USP34: variants seen among roughly 807,000 people sequenced by gnomAD.
USP34 encodes ubiquitin specific peptidase 34.
A neutral mutation model predicts 460.3 loss-of-function variants in USP34; 70 were observed. That is an observed-to-expected ratio of 0.15 (90% CI 0.13 to 0.19). The LOEUF (loss-of-function observed/expected upper bound fraction) is 0.19, where lower values mean the gene tolerates loss of function less well. Ranked by LOEUF, USP34 falls within the 10% of genes least tolerant of loss-of-function variation. The pLI is 1.00. For synonymous variants in USP34, 1,647 were observed against 1,405.3 expected (o/e 1.17, Z -3.85); for missense variants, 3,985 against 4,236.2 (o/e 0.94, Z 1.65).
At position 61,188,123 on chromosome 2, in the gene USP34, T is replaced by G. The variant is rs780581064; in HGVS notation, c.10620A>C (p.Lys3540Asn). The change falls in exon 80 of 80, where the codon AAA (lysine) becomes AAC (asparagine). Residue 3540 changes from lysine (K) to asparagine (N), a missense_variant. Physicochemically the swap from Lys to Asn is moderately conservative, Grantham distance 94. Around this residue, in one of 14 missense-constraint regions of USP34, gnomAD observed 506 missense variants for 439.0 expected, o/e 1.15. Transcript: ENST00000398571. ...AATGTCAAGAAGCAGCTTGGTTTCCTTTGCCAGATATCCTTGTGACGACAT... is the reference window on the plus strand; with the variant it reads ...AATGTCAAGAAGCAGCTTGGTTTCCGTTGCCAGATATCCTTGTGACGACAT... Reference protein sequence around the residue: ...TIHVVTRISGKGNQAAS With the variant: ...TIHVVTRISGNGNQAAS The G allele has an allele frequency of 6.2e-7, 1 of 1,613,214 alleles. No individual in the cohort carries two copies. Among genetic ancestry groups the G allele is most frequent in the South Asian group, 1.1e-5 (1 of 90,938 alleles).
At chr2:61,378,926 A>AAAAAAAAAAAAAAAAAAAAC (rs1692883552) in intron 7 of USP34, among the ~76,000 whole-genome samples, 1 of 148,962 alleles carries the variant, frequency 6.7e-6, no homozygotes, top group Non-Finnish European at 1.5e-5. Context: ...AAAAAAAAAA[A>AAAAAAAAAAAAAAAAAAAAC]AAAAAAAAAA....
chr2:61,258,925 G>A (rs556285131), intron 44 of USP34, among the ~76,000 whole-genome samples: 1 of 152,116 alleles, frequency 6.6e-6, no homozygotes, highest in African/African-American at 2.4e-5. Flanking sequence ...GTAGACAACT[G>A]AGATAACTTT....
chr2:61,193,019 A>G (rs1228950023), intron 75 of USP34, 39 bp from the exon 76 acceptor site: 2 of 1,476,380 alleles, frequency 1.4e-6, no homozygotes, highest in Admixed American at 3.4e-5. Context: ...TTATAATTAT[A>G]AATTATACTA....
chr2:61,459,932 G>T (rs1433886115), intron 1 of USP34, among the ~76,000 whole-genome samples: 1 of 152,120 alleles, frequency 6.6e-6, no homozygotes, highest in Non-Finnish European at 1.5e-5. Flanking sequence ...CATGGTGGCG[G>T]ACGCCTGTAG....
rs1010457933 is a variant in USP34 at position 61,214,812 on chromosome 2, T to C, written c.8048-118A>G. On this transcript the variant is annotated intron_variant, in intron 67 of 79. Transcript: ENST00000398571. ...TAATTAAAATGAATAAAAAGGGACA[T>C]GAACATCTCTTTTAGTATCTTTCTG... is the stretch of plus-strand genomic sequence containing the variant. 13 of 1,169,382 alleles carry C rather than the reference T, an allele frequency of 1.1e-5. No individual in the cohort carries two copies. In the African/African-American group the frequency reaches 1.3e-4, roughly 11 times the overall value. The allele number at this position is 1,169,382 out of a possible 1,614,324, so 72.4% of individuals were successfully genotyped here.
chr2:61,395,521 G>A (rs548122826), intron 3 of USP34, among the ~76,000 whole-genome samples: 33 of 147,862 alleles, frequency 2.2e-4, no homozygotes, highest in African/African-American at 8.0e-5. Flanking sequence ...AATCCCGGCC[G>A]GACGCGGTGG....
chr2:61,272,976 C>G (rs369989789), intron 41 of USP34, among the ~76,000 whole-genome samples: 28 of 152,236 alleles, frequency 1.8e-4, no homozygotes, highest in South Asian at 6.2e-4. Context: ...CCAAAGAACA[C>G]TAACAGCTAA....
At chr2:61,440,831 T>A (rs1166919733) in intron 1 of USP34, among the ~76,000 whole-genome samples, 141 of 143,228 alleles carry the variant, frequency 9.8e-4, no homozygotes, top group African/African-American at 2.4e-3. Context: ...TTTTTTAATT[T>A]AAAAAAAAAA....
intron 14 of USP34, 32 bp downstream of exon 14, chr2:61,348,724 G>A (rs368866103): frequency 2.0e-5 from 32 of 1,596,796 alleles, no homozygotes; most frequent in Non-Finnish European, 2.7e-5. Context: ...AGCCAAAAAT[G>A]CCTATAAAAG....
intron 23 of USP34, among the ~76,000 whole-genome samples, chr2:61,316,882 T>C (rs1558526649): frequency 6.6e-6 from 1 of 152,090 alleles, no homozygotes; most frequent in African/African-American, 2.4e-5. Context: ...CCAGACTCCA[T>C]CTCAAAAAAT....
chr2:61,255,533 G>A (rs932179184), intron 48 of USP34, among the ~76,000 whole-genome samples: 1 of 152,220 alleles, frequency 6.6e-6, no homozygotes, highest in Non-Finnish European at 1.5e-5. Flanking sequence ...GTAAAATGGG[G>A]ATAATAACAG....
intron 59 of USP34, 148 bp from the exon 60 acceptor site, chr2:61,229,143 T>A (rs1190747130): frequency 1.8e-6 from 1 of 559,532 alleles, no homozygotes; most frequent in East Asian, 3.1e-5. Context: ...TGTGACTGGC[T>A]AAATCAATGC....
chr2:61,404,295 A>T (rs1693805563), intron 3 of USP34, among the ~76,000 whole-genome samples: 1 of 152,168 alleles, frequency 6.6e-6, no homozygotes, highest in African/African-American at 2.4e-5. Context: ...AATGTCATAG[A>T]TTCTCTAATG....
At position 61,295,044 on chromosome 2, in the gene USP34, G is replaced by T; in HGVS notation, c.4378-12C>A. ...TCACTGTAACTTCCCTATGAGAAAG[G>T]CAAAAAAAGTAAGGCAGAATGGCGG... is the stretch of plus-strand genomic sequence containing the variant. On this transcript the variant is annotated splice_polypyrimidine_tract_variant and intron_variant, in intron 31 of 79. Coordinates refer to ENST00000398571, the MANE Select transcript of USP34 (RefSeq NM_014709.4). 6.2e-7 allele frequency: 1 copy of T among 1,605,772 alleles called. No homozygotes were observed. Among genetic ancestry groups the T allele is most frequent in the Non-Finnish European group, 8.5e-7 (1 of 1,177,484 alleles).
chr2:61,227,300 G>A (rs1056178101), intron 61 of USP34, 82 bp from the exon 62 acceptor site: 1 of 1,452,724 alleles, frequency 6.9e-7, no homozygotes, highest in Admixed American at 2.3e-5. Flanking sequence ...TTATGTAACA[G>A]TGTAGATGGT....
chr2:61,345,541 T>C (rs1691741679), intron 15 of USP34, among the ~76,000 whole-genome samples: 1 of 152,184 alleles, frequency 6.6e-6, no homozygotes, highest in Non-Finnish European at 1.5e-5. Flanking sequence ...CAATGATAAA[T>C]ATACAGCTAA....
intron 75 of USP34, among the ~76,000 whole-genome samples, chr2:61,195,889 A>G (rs1006629578): frequency 1.3e-5 from 2 of 151,698 alleles, no homozygotes; most frequent in African/African-American, 2.4e-5. Flanking sequence ...TATCCCCCCA[A>G]AGTAAAATAA....
At chr2:61,203,403 T>C in intron 74 of USP34, 140 bp from the exon 75 acceptor site, 1 of 790,716 alleles carries the variant, frequency 1.3e-6, no homozygotes, top group Non-Finnish European at 1.7e-6. Context: ...TCCAAATTTC[T>C]AGTAATGTTA....
At chr2:61,438,965 A>C (rs1445100146) in intron 1 of USP34, among the ~76,000 whole-genome samples, 1 of 152,234 alleles carries the variant, frequency 6.6e-6, no homozygotes, top group Non-Finnish European at 1.5e-5. Context: ...AAAATTCAGT[A>C]AAGTTGCAGG....
Sources: gnomAD v4.1 joint callset for allele counts (sites outside exome capture counted in the v4.1 genomes callset) on GRCh38, gnomAD v4.1.1 for gene constraint, gnomAD v4.1.1 regional missense constraint, MANE v1.5 for transcripts, NCBI Gene and HGNC (gene_info 2026-07-23, HGNC 2026-07-21) for gene names.